The following TMEM117 variants were observed in gnomAD, a reference collection of about 807,000 sequenced individuals.
The protein encoded by TMEM117 is transmembrane protein 117.
Under a neutral mutation model 52.4 loss-of-function variants are expected in TMEM117, and 27 were observed. That is an observed-to-expected ratio of 0.51 (90% CI 0.38 to 0.71). The LOEUF is 0.71. Ranked by LOEUF, TMEM117 falls within the 30% of genes least tolerant of loss-of-function variation. TMEM117 has a pLI of 0.00. For synonymous variants in TMEM117, 215 were observed against 206.3 expected (o/e 1.04, Z -0.36); for missense variants, 556 against 630.5 (o/e 0.88, Z 1.26).
chr12:44,121,292 G>A (rs1948230086), intron 3 of TMEM117, among the ~76,000 whole-genome samples: 1 of 152,146 alleles, frequency 6.6e-6, no homozygotes, highest in African/African-American at 2.4e-5. Flanking sequence ...TTTGGAGTAT[G>A]AGTAAACCTA....
chr12:43,906,824 G>A (rs563479532), intron 2 of TMEM117, among the ~76,000 whole-genome samples: 5 of 152,230 alleles, frequency 3.3e-5, no homozygotes, highest in Admixed American at 6.5e-5. Context: ...ATTATATCCT[G>A]CACCTGGCTC....
At chr12:44,002,374 G>A (rs1946129210) in intron 3 of TMEM117, among the ~76,000 whole-genome samples, 2 of 119,048 alleles carry the variant, frequency 1.7e-5, no homozygotes, top group South Asian at 7.0e-4. Flanking sequence ...ACCCCCTTTA[G>A]GGATGAGATC....
At chr12:44,242,464 T>C (rs550126742) in intron 5 of TMEM117, among the ~76,000 whole-genome samples, 6 of 152,024 alleles carry the variant, frequency 3.9e-5, no homozygotes, top group Admixed American at 1.3e-4. Flanking sequence ...GCAAAGGACA[T>C]GATCTCATTC....
chr12:44,222,366 G>C (rs534739638), intron 5 of TMEM117, among the ~76,000 whole-genome samples: 10 of 152,256 alleles, frequency 6.6e-5, no homozygotes, highest in African/African-American at 2.4e-4. Flanking sequence ...GAGAGAAAAG[G>C]AGGGCATCCA....
At chr12:44,138,452 T>C (rs1948522956) in intron 3 of TMEM117, among the ~76,000 whole-genome samples, 1 of 152,112 alleles carries the variant, frequency 6.6e-6, no homozygotes, top group Non-Finnish European at 1.5e-5. Context: ...CTGAATGGGC[T>C]GAAGTAAGGC....
rs1446858399 is a variant in TMEM117, at chr12:44,388,216, C to T, written c.1089C>T (p.Ser363=). 3.1e-6 allele frequency: 5 copies of T among 1,613,432 alleles called. No individual in the cohort carries two copies. In the South Asian group the frequency reaches 5.5e-5, roughly 18 times the overall value. The part of the protein sequence containing the change: ...NRTKLSWEWR[S]NHTNPRTNKT... ...CCAAGCTATCCTGGGAATGGAGGTCCAATCACACTAACCCTCGGACTAATA... is the reference window on the plus strand; with the variant it reads ...CCAAGCTATCCTGGGAATGGAGGTCTAATCACACTAACCCTCGGACTAATA... Residue 363 remains serine (S), a synonymous_variant, in exon 8 of 8, where the codon TCC becomes TCT. Transcript: ENST00000266534.
chr12:44,208,588 T>C (rs931148699), intron 4 of TMEM117, among the ~76,000 whole-genome samples: 8 of 152,124 alleles, frequency 5.3e-5, no homozygotes, highest in Admixed American at 1.3e-4. Context: ...CTTTATGGAA[T>C]GCATACCTTT....
intron 4 of TMEM117, among the ~76,000 whole-genome samples, chr12:44,191,700 T>A (rs1949357056): frequency 6.6e-6 from 1 of 152,118 alleles, no homozygotes; most frequent in Non-Finnish European, 1.5e-5. Flanking sequence ...CTCACAACAA[T>A]CATGTCACGA....
intron 6 of TMEM117, among the ~76,000 whole-genome samples, chr12:44,315,737 C>T (rs1181810507): frequency 2.6e-5 from 4 of 151,970 alleles, no homozygotes; most frequent in Non-Finnish European, 2.9e-5. Context: ...GTGGGTGCTC[C>T]GATGTTGGGT....
At chr12:43,939,890 G>C (rs948720779) in intron 2 of TMEM117, among the ~76,000 whole-genome samples, 20 of 152,170 alleles carry the variant, frequency 1.3e-4, no homozygotes, top group African/African-American at 4.6e-4. Context: ...GGCAAAGGAG[G>C]AGCAAAATCA....
At chr12:44,162,466 A>G (rs1399000625) in intron 4 of TMEM117, among the ~76,000 whole-genome samples, 2 of 152,208 alleles carry the variant, frequency 1.3e-5, no homozygotes, top group African/African-American at 4.8e-5. Context: ...TCTGTCACTC[A>G]GCCTGTCTCT....
the TMEM117 span, among the ~76,000 whole-genome samples, chr12:44,397,095 T>A: frequency 1.3e-5 from 2 of 152,070 alleles, no homozygotes; most frequent in Admixed American, 1.3e-4. Context: ...TGAACAAAAC[T>A]ATCAAGTAAG....
chr12:44,220,546 G>T (rs972414960), intron 5 of TMEM117, among the ~76,000 whole-genome samples: 1 of 152,110 alleles, frequency 6.6e-6, no homozygotes, highest in Admixed American at 6.6e-5. Flanking sequence ...CACTCTATCT[G>T]CTGAGAGAGC....
At chr12:44,391,943 A>G (rs1308925093), downstream of TMEM117, among the ~76,000 whole-genome samples, 1 of 152,154 alleles carries the variant, frequency 6.6e-6, no homozygotes, top group African/African-American at 2.4e-5. Context: ...CTCAGAACCC[A>G]ACTCTGACCT....
intron 5 of TMEM117, among the ~76,000 whole-genome samples, chr12:44,227,658 C>T (rs187534541): frequency 1.3e-5 from 2 of 152,140 alleles, no homozygotes; most frequent in East Asian, 1.9e-4. Flanking sequence ...TTATATATGT[C>T]GCATTTTCAT....
At chr12:43,904,679 C>T (rs1184691346) in intron 2 of TMEM117, among the ~76,000 whole-genome samples, 2 of 152,152 alleles carry the variant, frequency 1.3e-5, no homozygotes, top group African/African-American at 2.4e-5. Flanking sequence ...GCCTGGCTTC[C>T]ATTTCCCTGG....
intron 3 of TMEM117, among the ~76,000 whole-genome samples, chr12:44,078,937 C>G (rs1169661482): frequency 6.9e-6 from 1 of 145,134 alleles, no homozygotes; most frequent in East Asian, 2.2e-4. Context: ...TGTTCAACTC[C>G]CACTTATAAG....
intron 3 of TMEM117, among the ~76,000 whole-genome samples, chr12:44,002,830 A>G (rs979116112): frequency 4.0e-5 from 6 of 151,454 alleles, no homozygotes; most frequent in Non-Finnish European, 7.4e-5. Context: ...GTTAAAGAAG[A>G]CAAGAATGAG....
chr12:44,216,596 G>T (rs2138414405), intron 5 of TMEM117, among the ~76,000 whole-genome samples: 1 of 152,314 alleles, frequency 6.6e-6, no homozygotes, highest in South Asian at 2.1e-4. Flanking sequence ...GGAAATTGAT[G>T]CTGGAAACTG....
Sources: gnomAD v4.1 joint callset for allele counts (sites outside exome capture counted in the v4.1 genomes callset) on GRCh38, gnomAD v4.1.1 for gene constraint, MANE v1.5 for transcripts, NCBI Gene and HGNC (gene_info 2026-07-23, HGNC 2026-07-21) for gene names.